The following PDE4D variants were observed in gnomAD, a reference collection of about 807,000 sequenced individuals.
The protein encoded by PDE4D is phosphodiesterase 4D, also known as 3',5'-cyclic-AMP phosphodiesterase 4D.
Under a neutral mutation model 87.4 loss-of-function variants are expected in PDE4D, and 24 were observed. That is an observed-to-expected ratio of 0.27 (90% confidence interval 0.20 to 0.39). The LOEUF is 0.39. Among genes scored for constraint, PDE4D ranks in the 10% least tolerant of loss-of-function variants. The pLI is 1.00. For missense variants in PDE4D, 714 were observed against 1,041.0 expected (o/e 0.69, Z 4.32); for synonymous variants, 384 against 383.2 (o/e 1.00, Z -0.02).
chr5:59,500,357 T>C (rs1808072288), intron 1 of PDE4D, among the ~76,000 whole-genome samples: 1 of 152,114 alleles, frequency 6.6e-6, no homozygotes, highest in Admixed American at 6.5e-5. Context: ...AATCAACCCA[T>C]ATGCCCACCA....
At chr5:59,239,221 T>C (rs942560692) in intron 1 of PDE4D, among the ~76,000 whole-genome samples, 1 of 152,212 alleles carries the variant, frequency 6.6e-6, no homozygotes, top group Non-Finnish European at 1.5e-5. Flanking sequence ...CAAACTTTAG[T>C]TGATATCTCA....
At chr5:59,670,335 C>T (rs1335689294) in intron 1 of PDE4D, among the ~76,000 whole-genome samples, 1 of 152,134 alleles carries the variant, frequency 6.6e-6, no homozygotes, top group Non-Finnish European at 1.5e-5. Flanking sequence ...CATCATTAAT[C>T]TGAAAATCCA....
In PDE4D at chr5:60,026,674, C is replaced by T. The variant is rs567269524; in HGVS notation, c.43-37957G>A. Among the ~76,000 whole-genome samples, 31 of 152,256 alleles carry T rather than the reference C, an allele frequency of 2.0e-4. 1 individual carries two copies. The South Asian group carries it at 6.2e-3, about 31-fold the overall frequency. On this transcript the variant is annotated intron_variant, in intron 2 of 16. Transcript: ENST00000502484. Reference sequence around the variant, plus strand: ...ATTAGCCATCCCCTCAGCTGTTTTCCCAGTTTTCACTTCTAGCCCCATGCA... The same window carrying T: ...ATTAGCCATCCCCTCAGCTGTTTTCTCAGTTTTCACTTCTAGCCCCATGCA...
At chr5:59,265,464 C>A (rs1004458716) in intron 1 of PDE4D, among the ~76,000 whole-genome samples, 1 of 151,894 alleles carries the variant, frequency 6.6e-6, no homozygotes, top group East Asian at 1.9e-4. Context: ...AAAAGACTAC[C>A]TTATGGAAAA....
At chr5:59,952,305 C>A (rs1255653889) in intron 3 of PDE4D, among the ~76,000 whole-genome samples, 2 of 152,096 alleles carry the variant, frequency 1.3e-5, no homozygotes, top group African/African-American at 4.8e-5. Flanking sequence ...GTCTTTATAG[C>A]AGTGTGAAAA....
At chr5:60,339,045 T>C (rs1275729403) in intron 1 of PDE4D, among the ~76,000 whole-genome samples, 4 of 152,200 alleles carry the variant, frequency 2.6e-5, no homozygotes, top group Admixed American at 6.5e-5. Context: ...TAAGCACTTA[T>C]TGCACACTGT....
chr5:59,020,665 A>ATT (rs35860266), intron 6 of PDE4D, among the ~76,000 whole-genome samples: 1 of 146,520 alleles, frequency 6.8e-6, no homozygotes, highest in Admixed American at 6.8e-5. Flanking sequence ...GGCTTCTGGA[A>ATT]TTTTTTTTTT....
At chr5:59,325,920 T>C (rs1480261565) in intron 1 of PDE4D, among the ~76,000 whole-genome samples, 10 of 152,084 alleles carry the variant, frequency 6.6e-5, no homozygotes, top group Admixed American at 6.6e-4. Flanking sequence ...ATATACACCA[T>C]GGAATGCTAT....
chr5:59,184,549 T>C (rs1871181), intron 4 of PDE4D, among the ~76,000 whole-genome samples: 1 of 118,980 alleles, frequency 8.4e-6, no homozygotes, highest in Non-Finnish European at 1.9e-5. Context: ...TTCATATTAA[T>C]AGCAGATTTT....
chr5:60,446,887 GT>G (rs1267348938), intron 1 of PDE4D, among the ~76,000 whole-genome samples: 1 of 152,160 alleles, frequency 6.6e-6, no homozygotes, highest in Non-Finnish European at 1.5e-5. Flanking sequence ...AAAACTACAG[GT>G]AGTTAGACCT....
At chr5:59,621,872 AC>A (rs1830390930) in intron 1 of PDE4D, among the ~76,000 whole-genome samples, 2 of 152,232 alleles carry the variant, frequency 1.3e-5, no homozygotes, top group South Asian at 4.1e-4. Flanking sequence ...TCTGTGCCCA[AC>A]AACTATGTGA....
At position 60,341,176 on chromosome 5, in the gene PDE4D, G is replaced by A. The variant is rs777620863; in HGVS notation, c.-90+146766C>T. The stretch of plus-strand genomic sequence containing the variant: ...ATTAATGTTCATGCTTCAAAGAACA[G>A]TAGAAACTACAAAACTCTAGAGCCA... On this transcript the variant is annotated intron_variant, in intron 1 of 16. Transcript: ENST00000502484. Among the ~76,000 whole-genome samples the A allele has an allele frequency of 2.6e-5, 4 of 152,182 alleles. No individual in the cohort carries two copies. In the South Asian group the frequency reaches 8.3e-4, roughly 32 times the overall value.
At chr5:60,083,024 G>A (rs960851383) in intron 2 of PDE4D, among the ~76,000 whole-genome samples, 28 of 152,042 alleles carry the variant, frequency 1.8e-4, no homozygotes, top group South Asian at 8.3e-4. Context: ...AAGCTCTCTC[G>A]TCTATTTATT....
At chr5:60,337,992 A>C (rs1033352121) in intron 1 of PDE4D, among the ~76,000 whole-genome samples, 3 of 152,232 alleles carry the variant, frequency 2.0e-5, no homozygotes, top group Non-Finnish European at 4.4e-5. Flanking sequence ...TGTACTGTAC[A>C]GAGGAATAGT....
chr5:59,390,540 T>C (rs1202427364), intron 1 of PDE4D, among the ~76,000 whole-genome samples: 2 of 152,128 alleles, frequency 1.3e-5, no homozygotes, highest in African/African-American at 4.8e-5. Context: ...GGTGTTAAAG[T>C]ATAAAGAGCA....
At chr5:59,587,166 T>C (rs189129896) in intron 1 of PDE4D, 4 of 253,256 alleles carry the variant, frequency 1.6e-5, no homozygotes, top group African/African-American at 9.2e-5. Flanking sequence ...CTGTTCTCTT[T>C]AAGTAAAATG....
intron 1 of PDE4D, among the ~76,000 whole-genome samples, chr5:59,328,717 G>A (rs1371350738): frequency 3.3e-5 from 5 of 152,104 alleles, no homozygotes; most frequent in Non-Finnish European, 1.5e-5. Flanking sequence ...TATTTGCATT[G>A]CATTTAAAAA....
At chr5:59,560,517 C>A (rs1008567470) in intron 1 of PDE4D, among the ~76,000 whole-genome samples, 3 of 152,150 alleles carry the variant, frequency 2.0e-5, no homozygotes, top group Non-Finnish European at 4.4e-5. Flanking sequence ...GCTATCTCTG[C>A]GACTTTTCAT....
chr5:59,420,007 G>A (rs13165581), intron 1 of PDE4D, among the ~76,000 whole-genome samples: 17,382 of 152,152 alleles, frequency 0.11, 1,563 homozygotes, highest in African/African-American at 0.25. Flanking sequence ...TCCATTGCAC[G>A]TGGTGGCAGA....
Sources: allele counts gnomAD v4.1 joint callset (sites outside exome capture counted in the v4.1 genomes callset), GRCh38; gene constraint gnomAD v4.1.1; transcripts MANE v1.5; gene names NCBI Gene and HGNC (gene_info 2026-07-23, HGNC 2026-07-21).